TMEM272: variants seen among roughly 807,000 people sequenced by gnomAD.
TMEM272 encodes transmembrane protein 272, also known as long intergenic non-protein coding RNA 282.
TMEM272 carries 8 observed loss-of-function variants against 3.7 expected under a neutral mutation model. The ratio of observed to expected loss-of-function variants is 2.17; its 90% CI spans 1.27 to 3.91. The LOEUF (loss-of-function observed/expected upper bound fraction) is 3.91. Ranked by LOEUF, TMEM272 falls within the 30% of genes most tolerant of loss-of-function variation. TMEM272 has a pLI of 0.00. For missense variants in TMEM272, 166 were observed against 91.5 expected, an observed-to-expected ratio of 1.81 and a Z score of -3.32; for synonymous variants, 63 against 39.8, an observed-to-expected ratio of 1.58 and a Z score of -2.20.
the TMEM272 span, among the ~76,000 whole-genome samples, chr13:51,880,049 T>A: frequency 6.6e-6 from 1 of 152,266 alleles, no homozygotes; most frequent in Middle Eastern, 3.4e-3. Context: ...TAACATGCCA[T>A]GGGGCTGAAG....
the TMEM272 span, among the ~76,000 whole-genome samples, chr13:51,851,520 AC>A: frequency 8.7e-6 from 1 of 114,880 alleles, no homozygotes; most frequent in African/African-American, 3.6e-5. Flanking sequence ...CCTTTGTTTT[AC>A]CTTTTTTTTT....
At chr13:51,878,549 C>T in the TMEM272 span, among the ~76,000 whole-genome samples, 1 of 152,324 alleles carries the variant, frequency 6.6e-6, no homozygotes, top group South Asian at 2.1e-4. Flanking sequence ...GTCCCTCCCC[C>T]AGCACCTGGG....
At chr13:51,826,058 C>T (rs1016174450) in intron 3 of TMEM272, among the ~76,000 whole-genome samples, 5 of 151,220 alleles carry the variant, frequency 3.3e-5, no homozygotes, top group African/African-American at 1.2e-4. Flanking sequence ...CCTCCCCTGA[C>T]CTTCGCTAGA....
the TMEM272 span, among the ~76,000 whole-genome samples, chr13:51,876,927 C>A: frequency 5.9e-5 from 9 of 152,128 alleles, no homozygotes; most frequent in Non-Finnish European, 1.2e-4. Flanking sequence ...TGGAAACTAG[C>A]AGGAAAAATC....
At chr13:51,853,128 C>T in the TMEM272 span, among the ~76,000 whole-genome samples, 1 of 152,254 alleles carries the variant, frequency 6.6e-6, no homozygotes, top group African/African-American at 2.4e-5. Context: ...AATCCCAGGC[C>T]AGGCGTGGTG....
chr13:51,914,573 C>T, the TMEM272 span, among the ~76,000 whole-genome samples: 1 of 152,214 alleles, frequency 6.6e-6, no homozygotes, highest in African/African-American at 2.4e-5. Context: ...CCATGTAAGG[C>T]GGGCGATGGA....
At chr13:51,875,756 T>A in the TMEM272 span, among the ~76,000 whole-genome samples, 1 of 152,214 alleles carries the variant, frequency 6.6e-6, no homozygotes, top group South Asian at 2.1e-4. Context: ...CAAGCCCACA[T>A]ACAGCCTCCT....
chr13:51,877,801 A>G, the TMEM272 span, among the ~76,000 whole-genome samples: 1 of 152,216 alleles, frequency 6.6e-6, no homozygotes, highest in South Asian at 2.1e-4. Context: ...TATTTCAGTT[A>G]TACTGTGGTC....
chr13:51,870,585 G>C, the TMEM272 span, among the ~76,000 whole-genome samples: 1 of 152,084 alleles, frequency 6.6e-6, no homozygotes, highest in African/African-American at 2.4e-5. Flanking sequence ...AAATCCACAA[G>C]AACAAAAAGA....
chr13:51,933,029 T>C, the TMEM272 span: 2 of 152,144 alleles, frequency 1.3e-5, no homozygotes, highest in African/African-American at 4.8e-5. Context: ...TTTTATAAAA[T>C]AAAACCCTGC....
the TMEM272 span, among the ~76,000 whole-genome samples, chr13:51,900,202 A>AAGACAGCC: frequency 2.6e-5 from 4 of 152,250 alleles, no homozygotes; most frequent in Non-Finnish European, 5.9e-5. Context: ...AGAAAGTGAA[A>AAGACAGCC]AGACAGCCAC....
chr13:51,821,806 AAGCCAC>A (rs1319451389), intron 4 of TMEM272, among the ~76,000 whole-genome samples: 9 of 152,066 alleles, frequency 5.9e-5, no homozygotes, highest in Non-Finnish European at 1.2e-4. Context: ...TGTCAGACCA[AAGCCAC>A]AGCTTAGCAC....
In TMEM272 at chr13:51,826,137, G is replaced by GAAAAA. The variant is rs1254151467; in HGVS notation, c.118+428_118+429insTTTTT. Among the ~76,000 whole-genome samples the GAAAAA allele has an allele frequency of 1.5e-3, 107 of 69,960 alleles. 1 individual carries two copies. The highest frequency in any genetic ancestry group is 0.013 in the Middle Eastern group (2 of 158). The allele number at this position is 69,960 out of a possible 152,430, so 45.9% of individuals were successfully genotyped here. A position where few individuals can be genotyped will look rare whatever the true frequency, so the allele number is the denominator to read the frequency against. ...ATGGAAATATTTACTCATTCATTCA[G>GAAAAA]CAAAAAAAAAAAAAAAAAAATGTAT... On this transcript the variant is annotated intron_variant, in intron 3 of 4. Coordinates refer to ENST00000629372, the MANE Select transcript of TMEM272 (RefSeq NM_001351003.2).
the TMEM272 span, among the ~76,000 whole-genome samples, chr13:51,880,157 C>T: frequency 1.3e-5 from 2 of 151,806 alleles, no homozygotes; most frequent in Non-Finnish European, 2.9e-5. Context: ...ATAGAACATG[C>T]ATGGGTAACA....
chr13:51,837,666 G>A (rs1465960512), intron 2 of TMEM272, among the ~76,000 whole-genome samples: 1 of 152,230 alleles, frequency 6.6e-6, no homozygotes, highest in Non-Finnish European at 1.5e-5. Context: ...AGGCACTGCT[G>A]GAGGTGCTGG....
At chr13:51,845,994 T>TACTGGGGAGGG (rs1956302011), upstream of TMEM272, among the ~76,000 whole-genome samples, 2 of 152,226 alleles carry the variant, frequency 1.3e-5, no homozygotes, top group African/African-American at 2.4e-5. Flanking sequence ...AAGGCCAGTC[T>TACTGGGGAGGG]ACTGGGGAGG....
chr13:51,909,112 C>G, the TMEM272 span: 421 of 1,458,544 alleles, frequency 2.9e-4, 4 homozygotes, highest in South Asian at 4.3e-3. Context: ...GTATTTGGAA[C>G]ATCAAGTGCA....
the TMEM272 span, among the ~76,000 whole-genome samples, chr13:51,877,351 T>C: frequency 6.6e-6 from 1 of 152,226 alleles, no homozygotes; most frequent in Non-Finnish European, 1.5e-5. Context: ...AGGTTCTGCC[T>C]TGTCCATCTC....
the TMEM272 span, among the ~76,000 whole-genome samples, chr13:51,875,470 C>T: frequency 6.6e-6 from 1 of 152,182 alleles, no homozygotes; most frequent in African/African-American, 2.4e-5. Flanking sequence ...ACGCTACTTA[C>T]ACTGCAAATG....
Sources: allele counts gnomAD v4.1 joint callset (sites outside exome capture counted in the v4.1 genomes callset), GRCh38; gene constraint gnomAD v4.1.1; transcripts MANE v1.5; gene names NCBI Gene and HGNC (gene_info 2026-07-23, HGNC 2026-07-21).